The following GBE1 variants were observed in gnomAD, a reference collection of about 807,000 sequenced individuals.
GBE1 encodes the protein 1,4-alpha-glucan branching enzyme 1.
A neutral mutation model predicts 88.8 loss-of-function variants in GBE1; 70 were observed. The ratio of observed to expected loss-of-function variants is 0.79; its 90% CI spans 0.65 to 0.96. The LOEUF (loss-of-function observed/expected upper bound fraction) is 0.96, where lower values mean the gene tolerates loss of function less well. Ranked by LOEUF, GBE1 falls within the 40% of genes least tolerant of loss-of-function variation. GBE1 has a pLI of 0.00. For synonymous variants in GBE1, 284 were observed against 300.1 expected (o/e 0.95, Z 0.56); for missense variants, 872 against 871.0 (o/e 1.00, Z -0.01).
chr3:81,492,898 C>T (rs1358630486), intron 15 of GBE1, among the ~76,000 whole-genome samples: 1 of 152,048 alleles, frequency 6.6e-6, no homozygotes, highest in Non-Finnish European at 1.5e-5. Flanking sequence ...ACACCACACT[C>T]AGCTAAATTT....
chr3:81,545,324 T>A (rs1403114777), intron 12 of GBE1, among the ~76,000 whole-genome samples: 3 of 152,188 alleles, frequency 2.0e-5, no homozygotes, highest in Non-Finnish European at 4.4e-5. Context: ...TCTGTCATTC[T>A]CCACAGCAAG....
chr3:81,701,895 A>T (rs1282920815), intron 2 of GBE1, among the ~76,000 whole-genome samples: 1 of 151,768 alleles, frequency 6.6e-6, no homozygotes, highest in Non-Finnish European at 1.5e-5. Context: ...TTAGCCACTG[A>T]ACCCAGCAGG....
intron 12 of GBE1, among the ~76,000 whole-genome samples, chr3:81,557,773 G>A (rs961075896): frequency 1.3e-5 from 2 of 152,014 alleles, no homozygotes; most frequent in Admixed American, 6.6e-5. Context: ...CAATAAAAGA[G>A]AACCAGTAGA....
At chr3:81,683,930 G>A (rs1705394958) in intron 2 of GBE1, among the ~76,000 whole-genome samples, 1 of 152,036 alleles carries the variant, frequency 6.6e-6, no homozygotes, top group African/African-American at 2.4e-5. Flanking sequence ...CAAAACTAAT[G>A]ATATAGAAAT....
intron 9 of GBE1, among the ~76,000 whole-genome samples, chr3:81,590,641 G>A (rs1288535281): frequency 6.6e-6 from 1 of 152,026 alleles, no homozygotes; most frequent in Admixed American, 6.6e-5. Flanking sequence ...AGAGAAGCTT[G>A]CAGGCAGCAA....
chr3:81,549,741 A>C (rs1381513418), intron 12 of GBE1, among the ~76,000 whole-genome samples: 1 of 151,624 alleles, frequency 6.6e-6, no homozygotes, highest in African/African-American at 2.4e-5. Context: ...AAGCCAACCA[A>C]AAAGTTTATA....
chr3:81,732,520 A>C (rs531770301), intron 1 of GBE1, among the ~76,000 whole-genome samples: 1 of 152,234 alleles, frequency 6.6e-6, no homozygotes, highest in Non-Finnish European at 1.5e-5. Flanking sequence ...TTCATTCCAA[A>C]AACTTTGAAG....
intron 6 of GBE1, among the ~76,000 whole-genome samples, chr3:81,643,584 C>T (rs867512942): frequency 2.0e-5 from 3 of 152,188 alleles, no homozygotes; most frequent in Non-Finnish European, 4.4e-5. Context: ...AAATTACTCA[C>T]AGAAGAATGC....
intron 7 of GBE1, among the ~76,000 whole-genome samples, chr3:81,637,240 T>A (rs540970181): frequency 2.6e-5 from 4 of 152,156 alleles, no homozygotes; most frequent in Non-Finnish European, 4.4e-5. Context: ...GGTACCTATA[T>A]GATGAAGTGA....
rs924705374 is a variant in GBE1 at position 81,733,555 on chromosome 3, C to T, written c.143+27820G>A. Among the ~76,000 whole-genome samples the T allele has an allele frequency of 6.6e-6, 1 of 152,142 alleles. No homozygotes were observed. Among genetic ancestry groups the T allele is most frequent in the African/African-American group, 2.4e-5 (1 of 41,510 alleles). On this transcript the variant is annotated intron_variant, in intron 1 of 15. Transcript: ENST00000429644. This position sits in a 1 kb window ranked among gnomAD's most constrained non-coding sequence, Gnocchi z 4.0. Reference sequence around the variant, plus strand: ...CCCTGTGTAGAGGCTTTTGCACTGGCCATTTCTTAGGTCTGGTACACTCTT... The same window carrying T: ...CCCTGTGTAGAGGCTTTTGCACTGGTCATTTCTTAGGTCTGGTACACTCTT...
chr3:81,637,033 A>T (rs150923451), intron 7 of GBE1, among the ~76,000 whole-genome samples: 2 of 152,260 alleles, frequency 1.3e-5, no homozygotes, highest in African/African-American at 4.8e-5. Flanking sequence ...CAAACCCTAT[A>T]TATACTGTGT....
At chr3:81,536,100 G>A (rs1703070067) in intron 13 of GBE1, among the ~76,000 whole-genome samples, 1 of 151,812 alleles carries the variant, frequency 6.6e-6, no homozygotes, top group African/African-American at 2.4e-5. Flanking sequence ...CTATTGAAAA[G>A]GAGCATCATT....
chr3:81,570,141 T>C (rs1239942631), intron 12 of GBE1, among the ~76,000 whole-genome samples: 3 of 152,138 alleles, frequency 2.0e-5, no homozygotes, highest in African/African-American at 7.2e-5. Flanking sequence ...CCAAAGACAA[T>C]ATTAATTTTC....
chr3:81,506,718 C>A (rs1000800459), intron 14 of GBE1, among the ~76,000 whole-genome samples: 3 of 152,142 alleles, frequency 2.0e-5, no homozygotes, highest in Admixed American at 6.5e-5. Flanking sequence ...TACACATACA[C>A]CATGGAATGC....
intron 14 of GBE1, among the ~76,000 whole-genome samples, chr3:81,516,987 G>A (rs950408947): frequency 6.6e-6 from 1 of 151,542 alleles, no homozygotes; most frequent in Non-Finnish European, 1.5e-5. Flanking sequence ...GCCAGAGATG[G>A]CAACAAATGA....
intron 6 of GBE1, among the ~76,000 whole-genome samples, chr3:81,644,041 T>A (rs1402476933): frequency 2.0e-5 from 3 of 152,142 alleles, no homozygotes; most frequent in Non-Finnish European, 4.4e-5. Flanking sequence ...ATAAACAGCC[T>A]TAAAGTTTTT....
intron 12 of GBE1, among the ~76,000 whole-genome samples, chr3:81,558,417 A>G (rs1429740293): frequency 1.3e-5 from 2 of 152,004 alleles, no homozygotes; most frequent in Non-Finnish European, 2.9e-5. Flanking sequence ...CTATCTATCT[A>G]TCTATCTCAT....
chr3:81,625,966 C>T (rs1183902578), intron 7 of GBE1, among the ~76,000 whole-genome samples: 1 of 152,124 alleles, frequency 6.6e-6, no homozygotes, highest in Non-Finnish European at 1.5e-5. Context: ...GCAGGTTGTG[C>T]TATTATCTTC....
intron 1 of GBE1, among the ~76,000 whole-genome samples, chr3:81,739,977 C>A (rs1706322292): frequency 6.6e-6 from 1 of 152,018 alleles, no homozygotes; most frequent in Admixed American, 6.5e-5. Context: ...GTAATCCCAG[C>A]AATTTGGAAG....
Sources: gnomAD v4.1 joint callset for allele counts (sites outside exome capture counted in the v4.1 genomes callset) on GRCh38, gnomAD v4.1.1 for gene constraint, Gnocchi (gnomAD v3.1) non-coding constraint, MANE v1.5 for transcripts, NCBI Gene and HGNC (gene_info 2026-07-23, HGNC 2026-07-21) for gene names.